Variants in MED12L observed in about 807,000 individuals in gnomAD.
MED12L encodes the protein mediator complex subunit 12L, also known as mediator of RNA polymerase II transcription subunit 12-like protein.
In MED12L, 60 loss-of-function variants were observed where a neutral mutation model predicts 281.3. The observed-to-expected ratio is 0.21, with a 90% confidence interval of 0.17 to 0.26. The LOEUF (loss-of-function observed/expected upper bound fraction) is 0.26, where lower values mean the gene tolerates loss of function less well. Ranked by LOEUF, MED12L falls within the 10% of genes least tolerant of loss-of-function variation. The probability of loss-of-function intolerance (pLI) is 1.00; values close to 1 mark genes in which losing one functional copy is unlikely to be tolerated. For missense variants in MED12L, 2,146 were observed against 2,680.9 expected, an observed-to-expected ratio of 0.80 and a Z score of 4.41; for synonymous variants, 974 against 987.2, an observed-to-expected ratio of 0.99 and a Z score of 0.25.
intron 16 of MED12L, among the ~76,000 whole-genome samples, chr3:151,257,404 T>C (rs1479022365): frequency 6.6e-6 from 1 of 152,248 alleles, no homozygotes; most frequent in Non-Finnish European, 1.5e-5. Flanking sequence ...GAGCATTGTC[T>C]CCAGAATAGA....
intron 21 of MED12L, among the ~76,000 whole-genome samples, chr3:151,361,904 G>T (rs1380284415): frequency 6.6e-6 from 1 of 152,038 alleles, no homozygotes; most frequent in Non-Finnish European, 1.5e-5. Context: ...GGGCTGGAAA[G>T]TAAATGCTTA....
chr3:151,141,664 A>G (rs1456886802), intron 5 of MED12L, among the ~76,000 whole-genome samples: 1 of 152,082 alleles, frequency 6.6e-6, no homozygotes, highest in Non-Finnish European at 1.5e-5. Flanking sequence ...AAGAATTGGG[A>G]TTTTTTACTC....
chr3:151,194,592 C>T (rs1724405557), intron 16 of MED12L, among the ~76,000 whole-genome samples: 1 of 152,046 alleles, frequency 6.6e-6, no homozygotes, highest in African/African-American at 2.4e-5. Flanking sequence ...TTCATAGAGG[C>T]TTGTACAAGA....
chr3:151,375,527 A>G (rs1303391083), intron 27 of MED12L, among the ~76,000 whole-genome samples: 1 of 152,172 alleles, frequency 6.6e-6, no homozygotes, highest in African/African-American at 2.4e-5. Context: ...TTATTGTATA[A>G]AAAAGAGATG....
At chr3:151,358,760 G>A (rs1168413064) in intron 20 of MED12L, among the ~76,000 whole-genome samples, 1 of 152,056 alleles carries the variant, frequency 6.6e-6, no homozygotes, top group Non-Finnish European at 1.5e-5. Flanking sequence ...TCGTACTTAT[G>A]TGAACAGTAC....
intron 16 of MED12L, among the ~76,000 whole-genome samples, chr3:151,300,654 A>T (rs989333159): frequency 6.6e-5 from 10 of 152,010 alleles, no homozygotes; most frequent in Admixed American, 6.6e-5. Context: ...GGGAAGTCAC[A>T]CTCTTTCTCA....
chr3:151,390,184 G>C, intron 38 of MED12L, 49 bp downstream of exon 38: 3 of 1,585,650 alleles, frequency 1.9e-6, no homozygotes, highest in Non-Finnish European at 2.6e-6. Flanking sequence ...AACAGCTTGT[G>C]GTTCTCTTTG....
chr3:151,109,912 T>C (rs1038718462), intron 2 of MED12L, among the ~76,000 whole-genome samples: 1 of 152,208 alleles, frequency 6.6e-6, no homozygotes, highest in African/African-American at 2.4e-5. Flanking sequence ...AACAGGATCT[T>C]GACTAACTGT....
intron 16 of MED12L, among the ~76,000 whole-genome samples, chr3:151,248,492 A>G (rs1228141866): frequency 6.6e-6 from 1 of 152,112 alleles, no homozygotes; most frequent in Non-Finnish European, 1.5e-5. Context: ...CTTTGCCCTG[A>G]GATTATATAT....
At chr3:151,294,555 T>G (rs777059030) in intron 16 of MED12L, 22 of 1,614,060 alleles carry the variant, frequency 1.4e-5, no homozygotes, top group Non-Finnish European at 1.7e-5. Flanking sequence ...TGGATGTACC[T>G]GGATATGGCT....
At chr3:151,203,586 C>T (rs75317386) in intron 16 of MED12L, among the ~76,000 whole-genome samples, 3,233 of 151,592 alleles carry the variant, frequency 0.021, 116 homozygotes, top group East Asian at 0.18. Context: ...AAAATAGTTG[C>T]AGTTTTTATT....
chr3:151,116,272 G>A, intron 2 of MED12L, 66 bp from the exon 3 acceptor site: 1 of 1,079,204 alleles, frequency 9.3e-7, no homozygotes, highest in Non-Finnish European at 1.4e-6. Flanking sequence ...TACTTAGGAT[G>A]CAATATGTGG....
intron 16 of MED12L, among the ~76,000 whole-genome samples, chr3:151,309,259 TA>T (rs1172991714): frequency 9.9e-5 from 15 of 152,198 alleles, no homozygotes; most frequent in Admixed American, 9.8e-4. Context: ...ATATTTGAAT[TA>T]AAATATTTTT....
chr3:151,270,880 T>G (rs1740816881), intron 16 of MED12L, among the ~76,000 whole-genome samples: 1 of 152,352 alleles, frequency 6.6e-6, no homozygotes, highest in South Asian at 2.1e-4. Context: ...CATTCTCTGT[T>G]GTACTTTTGT....
intron 16 of MED12L, among the ~76,000 whole-genome samples, chr3:151,306,707 G>T (rs558797303): frequency 6.6e-6 from 1 of 152,162 alleles, no homozygotes; most frequent in Non-Finnish European, 1.5e-5. Context: ...AGAGCAGGCC[G>T]GTGTGCCCTG....
At chr3:151,399,757 T>C (rs1269333609) in intron 39 of MED12L, among the ~76,000 whole-genome samples, 3 of 152,152 alleles carry the variant, frequency 2.0e-5, no homozygotes, top group Non-Finnish European at 4.4e-5. Context: ...TCAGCTCACC[T>C]CACCATCCCC....
chr3:151,377,102 A>G lies in MED12L; in HGVS notation c.4240A>G (p.Ser1414Gly). 1 of 1,614,100 alleles carries G rather than the reference A, an allele frequency of 6.2e-7. No individual in the cohort carries two copies. The highest frequency in any genetic ancestry group is 1.1e-5 in the South Asian group (1 of 91,084). The change falls in exon 30 of 45, where the codon AGC becomes GGC. Residue 1414 changes from serine to glycine, a missense_variant. Around this residue, in one of 9 missense-constraint regions of MED12L, gnomAD observed 235 missense variants for 260.3 expected, o/e 0.90. Transcript: ENST00000687756. ...DLNNSSNSGM[S>G]LFNPNSIGSA... ...AAATAATTCTTCTAATTCTGGCATG[A>G]GCCTCTTCAACCCAAACAGTATTGG...
chr3:151,086,609 G>T, intron 1 of MED12L, 189 bp from the exon 2 acceptor site: 1 of 241,194 alleles, frequency 4.1e-6, no homozygotes, highest in Admixed American at 5.4e-5. Context: ...AGACAAGGTA[G>T]GGGGGAGCAG....
rs73869062 is a variant in MED12L at position 151,422,438 on chromosome 3, C to T, written c.6408+6016C>T. On this transcript the variant is annotated intron_variant, in intron 43 of 44. Transcript: ENST00000687756. ...CAGCTTCTGGTGGCTCGCTGGGACT[C>T]TTTGGCATCGCTCGGCCCGTGGAAG... 7.9e-3 allele frequency among the ~76,000 whole-genome samples: 1,200 copies of T among 152,258 alleles called. 18 individuals carry two copies. Among genetic ancestry groups the T allele is most frequent in the African/African-American group, 0.027 (1,125 of 41,528 alleles).
Sources: gnomAD v4.1 joint callset for allele counts (sites outside exome capture counted in the v4.1 genomes callset) on GRCh38, gnomAD v4.1.1 for gene constraint, gnomAD v4.1.1 regional missense constraint, MANE v1.5 for transcripts, NCBI Gene and HGNC (gene_info 2026-07-23, HGNC 2026-07-21) for gene names.